MINAR1: variants seen among roughly 807,000 people sequenced by gnomAD.
MINAR1 encodes major intrinsically disordered Notch2-binding receptor 1.
MINAR1 carries 40 observed loss-of-function variants against 65.1 expected under a neutral mutation model. The observed-to-expected ratio is 0.61, with a 90% confidence interval of 0.48 to 0.80. The LOEUF (loss-of-function observed/expected upper bound fraction) is 0.80, where lower values mean the gene tolerates loss of function less well. Ranked by LOEUF, MINAR1 falls within the 30% of genes least tolerant of loss-of-function variation. MINAR1 has a pLI of 0.00. For missense variants in MINAR1, 1,128 were observed against 1,148.0 expected, an observed-to-expected ratio of 0.98 and a Z score of 0.25; for synonymous variants, 482 against 449.1, an observed-to-expected ratio of 1.07 and a Z score of -0.93.
At position 79,458,096 on chromosome 15, in the gene MINAR1, C is replaced by A. The variant is rs977348268; in HGVS notation, c.1949C>A (p.Thr650Lys). 3 of 1,614,200 alleles carry A rather than the reference C, an allele frequency of 1.9e-6. No individual in the cohort carries two copies. Among genetic ancestry groups the A allele is most frequent in the Non-Finnish European group, 2.5e-6 (3 of 1,180,044 alleles). Residue 650 changes from threonine to lysine, a missense_variant, in exon 2 of 4, where the codon ACA (threonine) becomes AAA (lysine). Physicochemically the swap from Thr to Lys is moderately conservative, Grantham distance 78. Transcript: ENST00000305428. ...GTGCAGATAGATCTGAACTCCTTGA[C>A]AAGCGAGGGTCCGTCTGATGACAGT... ...VSVQIDLNSL[T>K]SEGPSDDSAS...
At position 79,432,530 on chromosome 15, in the gene MINAR1, G is replaced by C. The variant is rs962569492; in HGVS notation, c.-61G>C. On this transcript the variant is annotated 5_prime_UTR_variant, in exon 1 of 4. Coordinates refer to ENST00000305428, the MANE Select transcript of MINAR1 (RefSeq NM_015206.3). Reference sequence around the variant, plus strand: ...GAGAAGGGCGGGCCCTGCGCCCGGGGCGCCTCGGAGGTAAGTTCGGAGAGC... The same window carrying C: ...GAGAAGGGCGGGCCCTGCGCCCGGGCCGCCTCGGAGGTAAGTTCGGAGAGC... 4 of 152,506 alleles carry C rather than the reference G, an allele frequency of 2.6e-5. No individual in the cohort carries two copies. The highest frequency in any genetic ancestry group is 4.4e-5 in the Non-Finnish European group (3 of 68,270). The allele number at this position is 152,506 out of a possible 1,614,324, so 9.4% of individuals were successfully genotyped here. A position where few individuals can be genotyped will look rare whatever the true frequency, so the allele number is the denominator to read the frequency against.
chr15:79,428,079 C>T (rs1390349831), upstream of MINAR1, among the ~76,000 whole-genome samples: 3 of 152,162 alleles, frequency 2.0e-5, no homozygotes, highest in South Asian at 2.1e-4. Context: ...ACAGTTTTCC[C>T]GTGCCCAATT....
chr15:79,449,189 G>A (rs962586592), intron 1 of MINAR1, among the ~76,000 whole-genome samples: 1 of 152,174 alleles, frequency 6.6e-6, no homozygotes, highest in African/African-American at 2.4e-5. Flanking sequence ...GGTTTTGAAA[G>A]GGGCTAAGAC....
rs74709848 is a variant in MINAR1, at chr15:79,440,338, C to T, written c.-51+7798C>T. 4.2e-3 allele frequency among the ~76,000 whole-genome samples: 645 copies of T among 152,310 alleles called. 3 individuals carry two copies. The highest frequency in any genetic ancestry group is 0.015 in the African/African-American group (611 of 41,562). On this transcript the variant is annotated intron_variant, in intron 1 of 3. Coordinates refer to ENST00000305428, the MANE Select transcript of MINAR1 (RefSeq NM_015206.3). ...CTTCTCTCCATCAACCCAAAAGATGCAGGGAGCTGCAGCCAGGTCCTGAAG... is the reference window on the plus strand; with the variant it reads ...CTTCTCTCCATCAACCCAAAAGATGTAGGGAGCTGCAGCCAGGTCCTGAAG...
intron 1 of MINAR1, among the ~76,000 whole-genome samples, chr15:79,435,749 T>C (rs1894582863): frequency 6.6e-6 from 1 of 152,256 alleles, no homozygotes; most frequent in Admixed American, 6.5e-5. Flanking sequence ...TTTGATTTAT[T>C]TGTTGCTATA....
chr15:79,456,068 C>G, intron 1 of MINAR1, 30 bp from the exon 2 acceptor site: 1 of 1,413,030 alleles, frequency 7.1e-7, no homozygotes, highest in Non-Finnish European at 9.7e-7. Context: ...TCCTCTTTTC[C>G]TCCTCTCTTT....
Position 79,469,525 on chromosome 15 carries a change from C to T in MINAR1, c.*1141C>T, listed in dbSNP as rs1895997089. ...AGTGCAAAAAATATTATCTGTTTAA[C>T]CACTTATCTATATGTCTATCTATCT... On this transcript the variant is annotated 3_prime_UTR_variant, in exon 4 of 4. Transcript: ENST00000305428. 6.6e-6 allele frequency: 1 copy of T among 152,400 alleles called. No homozygotes were observed. The highest frequency in any genetic ancestry group is 6.6e-5 in the Admixed American group (1 of 15,266). The allele number at this position is 152,400 out of a possible 1,614,324, so 9.4% of individuals were successfully genotyped here.
intron 1 of MINAR1, among the ~76,000 whole-genome samples, chr15:79,445,550 A>AT (rs60881490): frequency 0.032 from 4,415 of 138,580 alleles, 228 homozygotes; most frequent in African/African-American, 0.093. Flanking sequence ...TGTGACAGTT[A>AT]TTTTTTTTTT....
At chr15:79,443,695 A>G (rs1025312820) in intron 1 of MINAR1, among the ~76,000 whole-genome samples, 5 of 152,222 alleles carry the variant, frequency 3.3e-5, no homozygotes, top group African/African-American at 1.2e-4. Flanking sequence ...TAGCTGTTGT[A>G]TAATATAAAC....
intron 3 of MINAR1, 91 bp downstream of exon 3, chr15:79,463,412 C>A (rs1340109078): frequency 1.4e-6 from 2 of 1,473,714 alleles, no homozygotes; most frequent in East Asian, 2.3e-5. Context: ...GACCGGCCAG[C>A]CCACTTCCAC....
intron 2 of MINAR1, among the ~76,000 whole-genome samples, chr15:79,459,982 C>G (rs1006754581): frequency 6.6e-6 from 1 of 152,194 alleles, no homozygotes; most frequent in African/African-American, 2.4e-5. Flanking sequence ...ATTTAGAGAA[C>G]TCAAATGGTT....
chr15:79,463,047 TTC>T lies in MINAR1; in HGVS notation c.2299-18_2299-17del. On this transcript the variant is annotated intron_variant, in intron 2 of 3. Coordinates refer to ENST00000305428, the MANE Select transcript of MINAR1 (RefSeq NM_015206.3). Reference sequence around the variant, plus strand: ...GGGCAACTGTGCCACTTGTCTGGACTTCTTTGTGCCCCTCTGCAGGCAGACAG... The same window carrying T: ...GGGCAACTGTGCCACTTGTCTGGACTTTTGTGCCCCTCTGCAGGCAGACAG... 6.3e-7 allele frequency: 1 copy of T among 1,598,114 alleles called. No homozygotes were observed. The highest frequency in any genetic ancestry group is 8.6e-7 in the Non-Finnish European group (1 of 1,168,198).
intron 2 of MINAR1, among the ~76,000 whole-genome samples, chr15:79,462,424 C>T (rs1169064095): frequency 6.6e-6 from 1 of 152,160 alleles, no homozygotes; most frequent in Non-Finnish European, 1.5e-5. Context: ...TAGGCACCTT[C>T]CTACCTCCAC....
At position 79,468,366 on chromosome 15, in the gene MINAR1, C is replaced by T; in HGVS notation, c.2733C>T (p.Ile911=). ...CTVILVIVVP[I]CTMKS is the part of the protein sequence containing the mutation. Reference sequence around the variant, plus strand: ...TCATCCTCGTTATTGTCGTGCCCATCTGCACAATGAAATCATGAGCTAAGA... The same window carrying T: ...TCATCCTCGTTATTGTCGTGCCCATTTGCACAATGAAATCATGAGCTAAGA... Residue 911 remains isoleucine, a synonymous_variant, in exon 4 of 4, where the codon ATC becomes ATT. Coordinates refer to ENST00000305428, the MANE Select transcript of MINAR1 (RefSeq NM_015206.3). 6.2e-7 allele frequency: 1 copy of T among 1,613,982 alleles called. No individual in the cohort carries two copies. The highest frequency in any genetic ancestry group is 8.5e-7 in the Non-Finnish European group (1 of 1,179,964).
At chr15:79,423,487 A>G in the MINAR1 span, 9 of 152,170 alleles carry the variant, frequency 5.9e-5, no homozygotes, top group Non-Finnish European at 1.3e-4. Context: ...AAATTAAACA[A>G]TTTATTTAAC....
intron 1 of MINAR1, among the ~76,000 whole-genome samples, chr15:79,440,336 T>G (rs898419981): frequency 6.6e-6 from 1 of 152,188 alleles, no homozygotes. Context: ...ACCCAAAAGA[T>G]GCAGGGAGCT....
At position 79,469,990 on chromosome 15, in the gene MINAR1, G is replaced by A. The variant is rs1896019707; in HGVS notation, c.*1606G>A. 1 of 152,568 alleles carries A rather than the reference G, an allele frequency of 6.6e-6. No individual in the cohort carries two copies. The highest frequency in any genetic ancestry group is 2.4e-5 in the African/African-American group (1 of 41,420). The allele number at this position is 152,568 out of a possible 1,614,324, so 9.5% of individuals were successfully genotyped here. A position where few individuals can be genotyped will look rare whatever the true frequency, so the allele number is the denominator to read the frequency against. ...GTCTGATTCTGTTGTTCACCATTAA[G>A]GGGTAGACAGTTAATTTTATTATGT... On this transcript the variant is annotated 3_prime_UTR_variant, in exon 4 of 4. Transcript: ENST00000305428.
rs780950886 is a variant in MINAR1 at position 79,468,174 on chromosome 15, TCTTCG to T, written c.2554-9_2554-5del. On this transcript the variant is annotated splice_region_variant and splice_polypyrimidine_tract_variant and intron_variant, in intron 3 of 3. Transcript: ENST00000305428. ...TATTCACTGTATTTCTAACATCTTC[TCTTCG>T]CTTTTAGACGCAAGAATCTTTAAAC... 4 of 1,607,194 alleles carry T rather than the reference TCTTCG, an allele frequency of 2.5e-6. No homozygotes were observed. In the Admixed American group the frequency reaches 5.0e-5, roughly 20 times the overall value.
chr15:79,458,077 A>T lies in MINAR1; in HGVS notation c.1930A>T (p.Ile644Leu), dbSNP rs117500630. The T allele has an allele frequency of 7.7e-3, 12,382 of 1,614,192 alleles. 52 individuals carry two copies. Among genetic ancestry groups the T allele is most frequent in the Middle Eastern group, 0.017 (101 of 6,062 alleles). ...ACAGCCTGAGAAGGTGAGTGTGCAG[A>T]TAGATCTGAACTCCTTGACAAGCGA... ...MQQPEKVSVQ[I>L]DLNSLTSEGP... The change falls in exon 2 of 4, where the codon ATA becomes TTA. Residue 644 changes from isoleucine to leucine, a missense_variant. Transcript: ENST00000305428.
Sources: gnomAD v4.1 joint callset for allele counts (sites outside exome capture counted in the v4.1 genomes callset) on GRCh38, gnomAD v4.1.1 for gene constraint, MANE v1.5 for transcripts, NCBI Gene and HGNC (gene_info 2026-07-23, HGNC 2026-07-21) for gene names.